Variants in USP47 observed in about 807,000 individuals in gnomAD.
USP47 encodes the protein ubiquitin specific peptidase 47.
In USP47, 35 loss-of-function variants were observed where a neutral mutation model predicts 165.1. That is an observed-to-expected ratio of 0.21 (90% confidence interval 0.16 to 0.28). USP47 has a LOEUF of 0.28. USP47 is among the 10% of genes least tolerant of loss of function. The pLI, the probability that USP47 is intolerant of heterozygous loss-of-function variation, is 1.00. For synonymous variants in USP47, 531 were observed against 544.5 expected (o/e 0.98, Z 0.35); for missense variants, 1,277 against 1,607.4 (o/e 0.79, Z 3.52).
At chr11:11,907,261 G>A (rs560675348) in intron 8 of USP47, among the ~76,000 whole-genome samples, 1 of 152,296 alleles carries the variant, frequency 6.6e-6, no homozygotes, top group Non-Finnish European at 1.5e-5. Context: ...TGATACATGG[G>A]TGGTAGTAGT....
intron 1 of USP47, among the ~76,000 whole-genome samples, chr11:11,866,565 A>G (rs1363147229): frequency 6.6e-6 from 1 of 152,170 alleles, no homozygotes; most frequent in Non-Finnish European, 1.5e-5. Flanking sequence ...GAAATCAGGC[A>G]TGTTTCACTG....
intron 4 of USP47, among the ~76,000 whole-genome samples, chr11:11,894,791 T>C (rs750143027): frequency 6.6e-6 from 1 of 152,184 alleles, no homozygotes; most frequent in Non-Finnish European, 1.5e-5. Context: ...CGCTCTTTCT[T>C]TGATTATACA....
rs199993656 is a variant in USP47 at position 11,896,382 on chromosome 11, TG to T, written c.497-1214del. Among the ~76,000 whole-genome samples the T allele has an allele frequency of 9.2e-5, 14 of 152,264 alleles. No homozygotes were observed. The East Asian group carries it at 2.5e-3, about 27-fold the overall frequency. On this transcript the variant is annotated intron_variant, in intron 4 of 27. Coordinates refer to ENST00000527733, the MANE Select transcript of USP47 (RefSeq NM_001282659.2). ...CAAGTAGATTGGTTCTCCCCCAGAC[TG>T]TTGAGGAATTGGGAGGAGGAGGACG...
At chr11:11,875,072 TGTGTG>T (rs762081842) in intron 1 of USP47, among the ~76,000 whole-genome samples, 25,887 of 141,844 alleles carry the variant, frequency 0.18, 2,617 homozygotes, top group Non-Finnish European at 0.23. Flanking sequence ...TGTGTGTGTG[TGTGTG>T]TGTGTTTAAA....
At chr11:11,864,891 CTA>C (rs1479252703) in intron 1 of USP47, among the ~76,000 whole-genome samples, 8 of 152,010 alleles carry the variant, frequency 5.3e-5, no homozygotes, top group Non-Finnish European at 1.0e-4. Flanking sequence ...CTTGATTTCT[CTA>C]TGATTCCTGA....
At position 11,920,185 on chromosome 11, in the gene USP47, A is replaced by G. The variant is rs757436702; in HGVS notation, c.999A>G (p.Pro333=). 3.7e-5 allele frequency: 59 copies of G among 1,604,830 alleles called. No individual in the cohort carries two copies. Among genetic ancestry groups the G allele is most frequent in the Admixed American group, 1.7e-4 (10 of 58,924 alleles). ...AAGCATTGCATGCATTTATTCAGCCAGAGATTCTGGATGGCCCAAATCAGT... is the reference window on the plus strand; with the variant it reads ...AAGCATTGCATGCATTTATTCAGCCGGAGATTCTGGATGGCCCAAATCAGT... ...VEEALHAFIQ[P]EILDGPNQYF... Residue 333 remains proline (P), a synonymous_variant, in exon 9 of 28, where the codon CCA becomes CCG. Transcript: ENST00000527733.
At position 11,880,212 on chromosome 11, in the gene USP47, T is replaced by G. The variant is rs976320707; in HGVS notation, c.75T>G (p.Cys25Trp). 6.8e-7 allele frequency: 1 copy of G among 1,475,070 alleles called. No individual in the cohort carries two copies. The highest frequency in any genetic ancestry group is 1.5e-5 in the African/African-American group (1 of 68,510). 91.4% of individuals were successfully genotyped at this position (1,475,070 alleles called of 1,614,324 possible). Residue 25 changes from cysteine (C) to tryptophan (W), a missense_variant, in exon 2 of 28, where the codon TGT becomes TGG. Physicochemically the swap from Cys to Trp is radical, Grantham distance 215 (BLOSUM62 -2). Coordinates refer to ENST00000527733, the MANE Select transcript of USP47 (RefSeq NM_001282659.2). ...CTGCTGAAGAACCTAGAGTCTTATGTATTATACAAGATACTACTAATTCAA... is the reference window on the plus strand; with the variant it reads ...CTGCTGAAGAACCTAGAGTCTTATGGATTATACAAGATACTACTAATTCAA... The part of the protein sequence containing the change: ...ENAAEEPRVL[C>W]IIQDTTNSKT...
Position 11,842,086 on chromosome 11 carries a change from G to A in USP47, c.-100G>A, listed in dbSNP as rs1848151589. On this transcript the variant is annotated 5_prime_UTR_variant, in exon 1 of 28. Transcript: ENST00000527733. The stretch of plus-strand genomic sequence containing the variant: ...CCGCTATTGCTGGAGCGCAGGCGGC[G>A]GAGAGGATGACTGCCGCTGCCATTC... The A allele has an allele frequency of 7.0e-7, 1 of 1,426,210 alleles. No homozygotes were observed. Among genetic ancestry groups the A allele is most frequent in the Non-Finnish European group, 9.5e-7 (1 of 1,049,170 alleles). 88.3% of individuals were successfully genotyped at this position (1,426,210 alleles called of 1,614,324 possible). A position where few individuals can be genotyped will look rare whatever the true frequency, so the allele number is the denominator to read the frequency against.
At chr11:11,858,792 C>A (rs1343687528) in intron 1 of USP47, among the ~76,000 whole-genome samples, 2 of 152,098 alleles carry the variant, frequency 1.3e-5, no homozygotes, top group East Asian at 3.8e-4. Context: ...ATCCATTTAC[C>A]AGCTGATAAA....
Position 11,960,494 on chromosome 11 carries a change from T to G in USP47, c.*4319T>G, listed in dbSNP as rs1018865443. 7.2e-5 allele frequency among the ~76,000 whole-genome samples: 11 copies of G among 152,174 alleles called. No individual in the cohort carries two copies. Among genetic ancestry groups the G allele is most frequent in the Admixed American group, 2.0e-4 (3 of 15,280 alleles). Reference sequence around the variant, plus strand: ...ATACCACTATCCCATGCTGCACTAGTCCCTACCAAGTCTTCAACCCTCAAT... The same window carrying G: ...ATACCACTATCCCATGCTGCACTAGGCCCTACCAAGTCTTCAACCCTCAAT... On this transcript the variant is annotated 3_prime_UTR_variant, in exon 28 of 28. Coordinates refer to ENST00000527733, the MANE Select transcript of USP47 (RefSeq NM_001282659.2).
chr11:11,893,057 TTTC>T (rs756834376), intron 4 of USP47, among the ~76,000 whole-genome samples: 3 of 152,160 alleles, frequency 2.0e-5, no homozygotes, highest in Non-Finnish European at 2.9e-5. Context: ...CATTTTGAAA[TTTC>T]TTTTTTTCTC....
intron 8 of USP47, among the ~76,000 whole-genome samples, chr11:11,905,907 TG>T (rs1852528687): frequency 1.3e-5 from 2 of 152,032 alleles, no homozygotes; most frequent in South Asian, 4.1e-4. Flanking sequence ...TACTTTGTTT[TG>T]GGGGGATTGT....
intron 18 of USP47, 68 bp from the exon 19 acceptor site, chr11:11,940,361 C>T: frequency 6.7e-7 from 1 of 1,487,784 alleles, no homozygotes; most frequent in Non-Finnish European, 9.1e-7. Context: ...GTCTTGCTTT[C>T]CCATATTTTT....
intron 8 of USP47, among the ~76,000 whole-genome samples, chr11:11,906,092 T>C (rs7124983): frequency 0.017 from 2,646 of 152,270 alleles, 60 homozygotes; most frequent in East Asian, 0.082. Context: ...ATTCATATAC[T>C]GAGTATCTGA....
rs762310348 is a variant in USP47, at chr11:11,960,885, C to T, written c.*4710C>T. On this transcript the variant is annotated 3_prime_UTR_variant, in exon 28 of 28. Coordinates refer to ENST00000527733, the MANE Select transcript of USP47 (RefSeq NM_001282659.2). ...TTTTTCTCTTCCTGTCTTTGTCCCT[C>T]ACACTACAGCAGGCCCCTCCCTTCC... Among the ~76,000 whole-genome samples, 20 of 152,324 alleles carry T rather than the reference C, an allele frequency of 1.3e-4. No individual in the cohort carries two copies. In the Middle Eastern group the frequency reaches 0.014, roughly 104 times the overall value.
chr11:11,894,095 A>C (rs1242757319), intron 4 of USP47, among the ~76,000 whole-genome samples: 1 of 152,154 alleles, frequency 6.6e-6, no homozygotes, highest in Non-Finnish European at 1.5e-5. Context: ...GTTTCCCATT[A>C]CACTATCTAG....
At chr11:11,912,760 C>A (rs1254991788) in intron 8 of USP47, among the ~76,000 whole-genome samples, 4 of 151,968 alleles carry the variant, frequency 2.6e-5, no homozygotes, top group African/African-American at 9.7e-5. Flanking sequence ...TGGTAAAATT[C>A]TTTCCAAAAT....
intron 1 of USP47, among the ~76,000 whole-genome samples, chr11:11,875,854 C>T (rs1026335526): frequency 2.6e-5 from 4 of 152,226 alleles, no homozygotes; most frequent in Non-Finnish European, 4.4e-5. Flanking sequence ...CCTCCCACCT[C>T]GGCCTGCCAA....
intron 25 of USP47, among the ~76,000 whole-genome samples, chr11:11,953,437 G>T (rs905280728): frequency 8.6e-5 from 13 of 151,892 alleles, no homozygotes; most frequent in Non-Finnish European, 1.3e-4. Flanking sequence ...GTGAAAATAT[G>T]TAAAATATTA....
Sources: allele counts gnomAD v4.1 joint callset (sites outside exome capture counted in the v4.1 genomes callset), GRCh38; gene constraint gnomAD v4.1.1; transcripts MANE v1.5; gene names NCBI Gene and HGNC (gene_info 2026-07-23, HGNC 2026-07-21).